The following SPSB1 variants were observed in gnomAD, a reference collection of about 807,000 sequenced individuals.
The protein encoded by SPSB1 is splA/ryanodine receptor domain and SOCS box containing 1.
Under a neutral mutation model 21.2 loss-of-function variants are expected in SPSB1, and 8 were observed. That is an observed-to-expected ratio of 0.38 (90% CI 0.22 to 0.68). SPSB1 has a LOEUF of 0.68. Ranked by LOEUF, SPSB1 falls within the 30% of genes least tolerant of loss-of-function variation. The probability of loss-of-function intolerance (pLI) is 0.53; values close to 1 mark genes in which losing one functional copy is unlikely to be tolerated. For synonymous variants in SPSB1, 169 were observed against 161.7 expected, an observed-to-expected ratio of 1.05 and a Z score of -0.34; for missense variants, 242 against 377.8, an observed-to-expected ratio of 0.64 and a Z score of 2.98.
chr1:9,316,643 C>A (rs1370895778), intron 1 of SPSB1, among the ~76,000 whole-genome samples: 2 of 152,204 alleles, frequency 1.3e-5, no homozygotes, highest in Non-Finnish European at 2.9e-5. Flanking sequence ...CCCGTTCCCG[C>A]CATCTTGGGG....
chr1:9,347,221 G>T (rs1018424760), intron 1 of SPSB1, among the ~76,000 whole-genome samples: 3 of 152,176 alleles, frequency 2.0e-5, no homozygotes, highest in African/African-American at 7.2e-5. Flanking sequence ...TACCTTCATG[G>T]ATAAAGCATT....
At chr1:9,358,185 C>G (rs1487031771) in intron 2 of SPSB1, among the ~76,000 whole-genome samples, 1 of 152,214 alleles carries the variant, frequency 6.6e-6, no homozygotes, top group African/African-American at 2.4e-5. Flanking sequence ...GGTGGTTAGG[C>G]ATGCGCAAAC....
intron 1 of SPSB1, among the ~76,000 whole-genome samples, chr1:9,340,001 C>CT (rs34942584): frequency 0.37 from 56,362 of 152,050 alleles, 10,947 homozygotes; most frequent in Non-Finnish European, 0.44. Flanking sequence ...ACCGACAGCC[C>CT]TGAACCACCT....
chr1:9,319,989 C>T (rs1639689405), intron 1 of SPSB1, among the ~76,000 whole-genome samples: 1 of 152,108 alleles, frequency 6.6e-6, no homozygotes, highest in Non-Finnish European at 1.5e-5. Flanking sequence ...GAGGCAGGAC[C>T]CTCGACTTCT....
At chr1:9,343,562 C>T (rs1225731434) in intron 1 of SPSB1, among the ~76,000 whole-genome samples, 1 of 152,196 alleles carries the variant, frequency 6.6e-6, no homozygotes, top group Non-Finnish European at 1.5e-5. Context: ...AACAAGACAA[C>T]AGTAAAGAAG....
intron 2 of SPSB1, among the ~76,000 whole-genome samples, chr1:9,366,309 C>A (rs569641443): frequency 6.6e-6 from 1 of 152,356 alleles, no homozygotes; most frequent in African/African-American, 2.4e-5. Context: ...GGGGCCTGAG[C>A]TTGGCCTGGG....
chr1:9,331,168 C>CTG (rs59721093), intron 1 of SPSB1, among the ~76,000 whole-genome samples: 11,615 of 152,028 alleles, frequency 0.076, 1,452 homozygotes, highest in African/African-American at 0.26. Context: ...TTTTTAATTG[C>CTG]TGTGTAACAA....
intron 1 of SPSB1, among the ~76,000 whole-genome samples, chr1:9,295,211 AGTGTGAGTGT>A (rs1480560467): frequency 7.2e-5 from 6 of 83,326 alleles, no homozygotes; most frequent in South Asian, 3.5e-4. Flanking sequence ...TGTGTGTGAG[AGTGTGAGTGT>A]GTGTGTGTGT....
chr1:9,308,381 C>G (rs1329901425), intron 1 of SPSB1, among the ~76,000 whole-genome samples: 1 of 152,188 alleles, frequency 6.6e-6, no homozygotes, highest in Non-Finnish European at 1.5e-5. Context: ...CCACGGTGCC[C>G]TGACTGTGGG....
At chr1:9,360,597 G>A (rs749819836) in intron 2 of SPSB1, among the ~76,000 whole-genome samples, 24 of 152,138 alleles carry the variant, frequency 1.6e-4, no homozygotes, top group Non-Finnish European at 2.6e-4. Flanking sequence ...GGGGGCTGCC[G>A]GGAATCCTTG....
At chr1:9,342,133 C>T (rs900237641) in intron 1 of SPSB1, among the ~76,000 whole-genome samples, 5 of 152,290 alleles carry the variant, frequency 3.3e-5, no homozygotes, top group East Asian at 1.9e-4. Flanking sequence ...GGTGAGCAAG[C>T]GACTCAGAGC....
intron 2 of SPSB1, among the ~76,000 whole-genome samples, chr1:9,361,206 G>A (rs1461604356): frequency 8.8e-6 from 1 of 113,264 alleles, no homozygotes. Flanking sequence ...TCACTATGTT[G>A]CCTAGGCTGG....
intron 1 of SPSB1, among the ~76,000 whole-genome samples, chr1:9,309,897 C>T (rs1268665033): frequency 1.3e-5 from 2 of 152,114 alleles, no homozygotes; most frequent in African/African-American, 4.8e-5. Context: ...GGGCCCTGAC[C>T]AGTCTCCCTT....
chr1:9,355,416 C>T (rs1161623775), intron 1 of SPSB1, among the ~76,000 whole-genome samples: 1 of 152,254 alleles, frequency 6.6e-6, no homozygotes, highest in Non-Finnish European at 1.5e-5. Flanking sequence ...GCACCATGGC[C>T]TTCCGCCCTG....
At position 9,368,679 on chromosome 1, in the gene SPSB1, G is replaced by C. The variant is rs994421507; in HGVS notation, c.*1104G>C. The C allele has an allele frequency of 3.9e-5, 6 of 152,144 alleles. No homozygotes were observed. The highest frequency in any genetic ancestry group is 1.2e-4 in the African/African-American group (5 of 41,414). The allele number at this position is 152,144 out of a possible 1,614,324, so 9.4% of individuals were successfully genotyped here. A position where few individuals can be genotyped will look rare whatever the true frequency, so the allele number is the denominator to read the frequency against. On this transcript the variant is annotated 3_prime_UTR_variant, in exon 3 of 3. Transcript: ENST00000328089. ...GAGGACCCCCAGAACTAAGAAGGGA[G>C]GGCGAGTGGGTCTCCATTCCCCGAG...
chr1:9,331,333 T>TG (rs1461237566), intron 1 of SPSB1, among the ~76,000 whole-genome samples: 2 of 142,072 alleles, frequency 1.4e-5, no homozygotes, highest in Non-Finnish European at 3.1e-5. Context: ...TTTTTTTTTT[T>TG]TTTTTTTTTT....
intron 1 of SPSB1, among the ~76,000 whole-genome samples, chr1:9,322,783 G>C (rs1569595737): frequency 6.6e-6 from 1 of 152,188 alleles, no homozygotes; most frequent in Non-Finnish European, 1.5e-5. Flanking sequence ...TCTTGTTCTG[G>C]CCGGTCTGAT....
intron 1 of SPSB1, among the ~76,000 whole-genome samples, chr1:9,354,476 T>C (rs1640328688): frequency 6.6e-6 from 1 of 152,114 alleles, no homozygotes. Flanking sequence ...AAGGAGGTTC[T>C]TGATGGCAGA....
At position 9,319,627 on chromosome 1, in the gene SPSB1, C is replaced by T. The variant is rs76157888; in HGVS notation, c.-150+26556C>T. On this transcript the variant is annotated intron_variant, in intron 1 of 2. Coordinates refer to ENST00000328089, the MANE Select transcript of SPSB1 (RefSeq NM_025106.4). ...TCTCACGGTGGCTGATGTTCCGTAC[C>T]GGGCTGGTATTCCGTTCCGGCTGGT... Among the ~76,000 whole-genome samples the T allele has an allele frequency of 4.5e-3, 684 of 152,268 alleles. 17 individuals carry two copies. The highest frequency in any genetic ancestry group is 0.039 in the East Asian group (203 of 5,160).
Sources: allele counts gnomAD v4.1 joint callset (sites outside exome capture counted in the v4.1 genomes callset), GRCh38; gene constraint gnomAD v4.1.1; transcripts MANE v1.5; gene names NCBI Gene and HGNC (gene_info 2026-07-23, HGNC 2026-07-21).